The following SLAMF6 variants were observed in gnomAD, a reference collection of about 807,000 sequenced individuals.
SLAMF6 encodes the protein NK-T-B-antigen.
A neutral mutation model predicts 38.3 loss-of-function variants in SLAMF6; 21 were observed. The ratio of observed to expected loss-of-function variants is 0.55; its 90% CI spans 0.39 to 0.79. The LOEUF (loss-of-function observed/expected upper bound fraction) is 0.79. SLAMF6 is among the 30% of genes least tolerant of loss of function. SLAMF6 has a pLI of 0.00. For synonymous variants in SLAMF6, 152 were observed against 146.3 expected, an observed-to-expected ratio of 1.04 and a Z score of -0.28; for missense variants, 341 against 385.3, an observed-to-expected ratio of 0.89 and a Z score of 0.96.
At chr1:160,515,327 TG>T (rs1452768111) in intron 1 of SLAMF6, among the ~76,000 whole-genome samples, 1 of 152,196 alleles carries the variant, frequency 6.6e-6, no homozygotes, top group Non-Finnish European at 1.5e-5. Flanking sequence ...GCTGAATCCC[TG>T]AATAGACCAA....
intron 5 of SLAMF6, 82 bp from the exon 6 acceptor site, chr1:160,489,252 T>G: frequency 7.3e-7 from 1 of 1,363,720 alleles, no homozygotes; most frequent in Non-Finnish European, 1.0e-6. Context: ...CAGAGCACAC[T>G]GTGTCCCCAG....
intron 1 of SLAMF6, among the ~76,000 whole-genome samples, chr1:160,513,379 C>T (rs1267788099): frequency 1.3e-5 from 2 of 152,144 alleles, no homozygotes; most frequent in East Asian, 3.8e-4. Context: ...GAGACCGAAC[C>T]TACAACTGAT....
rs1474250241 is a variant in SLAMF6, at chr1:160,485,641, G to A, written c.*1066C>T. ...TTCTGAGTGCATTGGGAAACCTGCA[G>A]GGTTTTAAGCAGGAAACTGAAGGAT... On this transcript the variant is annotated 3_prime_UTR_variant, in exon 8 of 8. Transcript: ENST00000368057. 1.3e-5 allele frequency: 2 copies of A among 152,290 alleles called. No individual in the cohort carries two copies. The highest frequency in any genetic ancestry group is 4.8e-5 in the African/African-American group (2 of 41,418). The allele number at this position is 152,290 out of a possible 1,614,324, so 9.4% of individuals were successfully genotyped here. A position where few individuals can be genotyped will look rare whatever the true frequency, so the allele number is the denominator to read the frequency against.
At position 160,505,297 on chromosome 1, in the gene SLAMF6, A is replaced by G. The variant is rs182471806; in HGVS notation, c.50-8904T>C. On this transcript the variant is annotated intron_variant, in intron 1 of 7. Transcript: ENST00000368057. The stretch of plus-strand genomic sequence containing the variant: ...AAATATCTAGTTTCAACAAAAAATT[A>G]TAAAGCATGTGAAGAACAAGAAAGT... Among the ~76,000 whole-genome samples, 42 of 152,378 alleles carry G rather than the reference A, an allele frequency of 2.8e-4. 1 individual carries two copies. In the South Asian group the frequency reaches 6.8e-3, roughly 25 times the overall value.
intron 1 of SLAMF6, among the ~76,000 whole-genome samples, chr1:160,522,290 C>T (rs1186352818): frequency 1.3e-5 from 2 of 152,174 alleles, no homozygotes; most frequent in East Asian, 3.9e-4. Flanking sequence ...TCATAGAATT[C>T]TCATGAGACT....
At chr1:160,519,152 T>C (rs12028187) in intron 1 of SLAMF6, among the ~76,000 whole-genome samples, 1,913 of 152,278 alleles carry the variant, frequency 0.013, 55 homozygotes, top group East Asian at 0.11. Context: ...GCAAAGGACT[T>C]GAATAGACAT....
intron 6 of SLAMF6, 63 bp from the exon 7 acceptor site, chr1:160,487,238 T>A: frequency 7.2e-7 from 1 of 1,392,890 alleles, no homozygotes. Context: ...CATAGATATA[T>A]TCTTAGGAAA....
At position 160,490,477 on chromosome 1, in the gene SLAMF6, C is replaced by T. The variant is rs529304313; in HGVS notation, c.757+98G>A. On this transcript the variant is annotated intron_variant, in intron 4 of 7. Transcript: ENST00000368057. ...CCAGGGTTTGCAGCCTCCCTCCCTC[C>T]TCCTGTCTTCCACAAGAGATCCTTG... 2.2e-5 allele frequency: 34 copies of T among 1,511,380 alleles called. No homozygotes were observed. The African/African-American group carries it at 4.2e-4, about 19-fold the overall frequency. The allele number at this position is 1,511,380 out of a possible 1,614,324, so 93.6% of individuals were successfully genotyped here.
intron 3 of SLAMF6, 76 bp from the exon 4 acceptor site, chr1:160,490,761 T>G: frequency 6.4e-7 from 1 of 1,551,944 alleles, no homozygotes; most frequent in Non-Finnish European, 8.7e-7. Context: ...CCGTGGAGCC[T>G]CTTCTAGGCC....
intron 4 of SLAMF6, 127 bp from the exon 5 acceptor site, chr1:160,490,363 G>T: frequency 6.8e-7 from 1 of 1,460,642 alleles, no homozygotes; most frequent in Non-Finnish European, 9.4e-7. Context: ...CCCTGAGACA[G>T]GGTCCCACTT....
At position 160,491,162 on chromosome 1, in the gene SLAMF6, A is replaced by G. The variant is rs1277324420; in HGVS notation, c.609T>C (p.Asn203=). ...YTCIAENAVS[N]LSFSVSAQKL... ...TCTGGGCAGAGACAGAGAAGGATAA[A>G]TTACTGACAGCATTCTCTGCTATGC... Residue 203 remains asparagine (N), a synonymous_variant, in exon 3 of 8, where the codon AAT becomes AAC. Coordinates refer to ENST00000368057, the MANE Select transcript of SLAMF6 (RefSeq NM_001184714.2). 4.3e-6 allele frequency: 7 copies of G among 1,613,858 alleles called. No homozygotes were observed. Among genetic ancestry groups the G allele is most frequent in the Non-Finnish European group, 5.9e-6 (7 of 1,179,976 alleles).
At chr1:160,505,072 A>T (rs1169780559) in intron 1 of SLAMF6, among the ~76,000 whole-genome samples, 1 of 152,224 alleles carries the variant, frequency 6.6e-6, no homozygotes, top group Non-Finnish European at 1.5e-5. Context: ...TGTTCAAAGA[A>T]ATATCTGTCA....
chr1:160,514,181 G>C (rs1314027441), intron 1 of SLAMF6, among the ~76,000 whole-genome samples: 1 of 151,936 alleles, frequency 6.6e-6, no homozygotes, highest in African/African-American at 2.4e-5. Context: ...AAATCTACCA[G>C]GCAAATGGAA....
intron 1 of SLAMF6, among the ~76,000 whole-genome samples, chr1:160,501,028 G>A (rs1458949198): frequency 1.3e-5 from 2 of 152,186 alleles, no homozygotes; most frequent in Admixed American, 6.5e-5. Context: ...GCCTGTCTAG[G>A]CATTAAAGGA....
Position 160,517,484 on chromosome 1 carries a change from C to T in SLAMF6, c.49+5660G>A, listed in dbSNP as rs750298508. On this transcript the variant is annotated intron_variant, in intron 1 of 7. Coordinates refer to ENST00000368057, the MANE Select transcript of SLAMF6 (RefSeq NM_001184714.2). ...TCTAGAACCAGAAATACCATTTGAC[C>T]CAGCAATCCCATTTCTGGGTATATA... Among the ~76,000 whole-genome samples the T allele has an allele frequency of 7.7e-4, 117 of 152,098 alleles. 1 individual carries two copies. Among genetic ancestry groups the T allele is most frequent in the Non-Finnish European group, 2.6e-4 (18 of 68,026 alleles).
chr1:160,506,251 G>C (rs900784345), intron 1 of SLAMF6, among the ~76,000 whole-genome samples: 1 of 151,982 alleles, frequency 6.6e-6, no homozygotes, highest in African/African-American at 2.4e-5. Context: ...AACAAGGAGA[G>C]AGTCTCAAAT....
chr1:160,499,778 T>C (rs1455163702), intron 1 of SLAMF6, among the ~76,000 whole-genome samples: 1 of 152,220 alleles, frequency 6.6e-6, no homozygotes, highest in Non-Finnish European at 1.5e-5. Context: ...GTCCTAGTGC[T>C]CAGCTCCTGG....
At position 160,510,858 on chromosome 1, in the gene SLAMF6, A is replaced by T. The variant is rs1369354636; in HGVS notation, c.49+12286T>A. Among the ~76,000 whole-genome samples, 3 of 152,214 alleles carry T rather than the reference A, an allele frequency of 2.0e-5. No individual in the cohort carries two copies. In the East Asian group the frequency reaches 5.8e-4, roughly 29 times the overall value. ...AAATCCTAAAGAATCCACAAAAATG[A>T]TCAGAGCTAATAAATAAATTCAGCA... On this transcript the variant is annotated intron_variant, in intron 1 of 7. Transcript: ENST00000368057.
Position 160,496,254 on chromosome 1 carries a change from G to A in SLAMF6, c.189C>T (p.Ala63=). The A allele has an allele frequency of 1.9e-6, 3 of 1,613,938 alleles. No homozygotes were observed. Among genetic ancestry groups the A allele is most frequent in the Non-Finnish European group, 2.5e-6 (3 of 1,179,916 alleles). The part of the protein sequence containing the change: ...ITWLFNETSL[A]FIVPHETKSP... ...TTTTGGTTTCATGGGGTACTATGAA[G>A]GCAAGAGATGTTTCATTGAAAAGCC... Residue 63 remains alanine (A), a synonymous_variant, in exon 2 of 8, where the codon GCC becomes GCT. Coordinates refer to ENST00000368057, the MANE Select transcript of SLAMF6 (RefSeq NM_001184714.2).
Sources: gnomAD v4.1 joint callset for allele counts (sites outside exome capture counted in the v4.1 genomes callset) on GRCh38, gnomAD v4.1.1 for gene constraint, MANE v1.5 for transcripts, NCBI Gene and HGNC (gene_info 2026-07-23, HGNC 2026-07-21) for gene names.